Variants in DTD1 observed in about 807,000 individuals in gnomAD.
DTD1 encodes the protein D-tyrosyl-tRNA deacylase 1 homolog.
Under a neutral mutation model 25.6 loss-of-function variants are expected in DTD1, and 13 were observed. That is an observed-to-expected ratio of 0.51 (90% CI 0.33 to 0.81). The LOEUF (loss-of-function observed/expected upper bound fraction) is 0.81, where lower values mean the gene tolerates loss of function less well. DTD1 is among the 30% of genes least tolerant of loss of function. DTD1 has a pLI of 0.02. For missense variants in DTD1, 193 were observed against 266.4 expected (o/e 0.72, Z 1.92); for synonymous variants, 110 against 103.6 (o/e 1.06, Z -0.37).
intron 3 of DTD1, among the ~76,000 whole-genome samples, chr20:18,596,608 T>C (rs935770334): frequency 1.3e-5 from 2 of 152,108 alleles, no homozygotes; most frequent in African/African-American, 2.4e-5. Flanking sequence ...TAGCCATATT[T>C]AAAAAAATAA....
chr20:18,687,030 A>G (rs549179489), intron 4 of DTD1, among the ~76,000 whole-genome samples: 1 of 152,222 alleles, frequency 6.6e-6, no homozygotes, highest in Non-Finnish European at 1.5e-5. Flanking sequence ...TGGGGGTTGT[A>G]TGGAGCTATG....
chr20:18,721,388 T>G (rs1207763172), intron 4 of DTD1, among the ~76,000 whole-genome samples: 2 of 152,208 alleles, frequency 1.3e-5, no homozygotes, highest in African/African-American at 4.8e-5. Flanking sequence ...TAAACTATCT[T>G]TGCCTTTCTT....
chr20:18,746,508 G>C (rs939182329), intron 5 of DTD1, among the ~76,000 whole-genome samples: 3 of 149,628 alleles, frequency 2.0e-5, no homozygotes, highest in African/African-American at 7.3e-5. Flanking sequence ...GACCAGCCTG[G>C]GCAACATGGT....
chr20:18,607,821 C>T (rs541593724), intron 3 of DTD1, among the ~76,000 whole-genome samples: 1 of 151,934 alleles, frequency 6.6e-6, no homozygotes, highest in Non-Finnish European at 1.5e-5. Context: ...TCAAGCGATT[C>T]TCCTGTCTCA....
At chr20:18,680,417 GTTT>G (rs3056280) in intron 4 of DTD1, among the ~76,000 whole-genome samples, 2 of 105,214 alleles carry the variant, frequency 1.9e-5, no homozygotes, top group Non-Finnish European at 2.0e-5. Context: ...TGTTGTCTAC[GTTT>G]TTTTTTTTTT....
intron 4 of DTD1, chr20:18,631,426 C>G (rs73112670): frequency 0.055 from 53,769 of 985,852 alleles, 1,561 homozygotes; most frequent in Non-Finnish European, 0.06. Flanking sequence ...CAGCAGCTTC[C>G]TGGAAGCCTC....
chr20:18,708,602 C>T (rs6136482), intron 4 of DTD1, among the ~76,000 whole-genome samples: 8,711 of 151,214 alleles, frequency 0.058, 356 homozygotes, highest in South Asian at 0.13. Context: ...GTGATCTGCC[C>T]GCCTCGGCCT....
rs75493537 is a variant in DTD1, at chr20:18,608,788, G to A, written c.370+12547G>A. The stretch of plus-strand genomic sequence containing the variant: ...ATTCTTGGGTGTGCCAACCTAGTTC[G>A]ACTAATCAAGACTTAGCTAGAAAAT... On this transcript the variant is annotated intron_variant, in intron 3 of 5. Coordinates refer to ENST00000377452, the MANE Select transcript of DTD1 (RefSeq NM_080820.6). 4.5e-4 allele frequency among the ~76,000 whole-genome samples: 68 copies of A among 152,246 alleles called. 1 individual carries two copies. In the East Asian group the frequency reaches 0.011, roughly 25 times the overall value.
At chr20:18,642,440 A>AT (rs1465065628) in intron 4 of DTD1, among the ~76,000 whole-genome samples, 3 of 151,560 alleles carry the variant, frequency 2.0e-5, no homozygotes, top group African/African-American at 4.9e-5. Context: ...ATTTTATTTT[A>AT]TTTTTTATCA....
At chr20:18,676,193 A>G (rs1486525716) in intron 4 of DTD1, among the ~76,000 whole-genome samples, 1 of 152,102 alleles carries the variant, frequency 6.6e-6, no homozygotes, top group African/African-American at 2.4e-5. Context: ...TGGGGTAGAG[A>G]ATGCAGACAT....
At chr20:18,619,951 T>C (rs2060726556) in intron 3 of DTD1, 1 of 152,124 alleles carries the variant, frequency 6.6e-6, no homozygotes, top group South Asian at 2.1e-4. Context: ...AACTTTTAAA[T>C]TTTATTTATT....
chr20:18,657,225 G>A (rs953841854), intron 4 of DTD1, among the ~76,000 whole-genome samples: 1 of 152,222 alleles, frequency 6.6e-6, no homozygotes, highest in Admixed American at 6.5e-5. Flanking sequence ...TGAGCAGGAT[G>A]CGCTGAGAGT....
At chr20:18,760,963 A>G (rs1442173640) in intron 5 of DTD1, among the ~76,000 whole-genome samples, 1 of 151,996 alleles carries the variant, frequency 6.6e-6, no homozygotes, top group Non-Finnish European at 1.5e-5. Flanking sequence ...CCTTGCTGCC[A>G]CCTTGCAATT....
chr20:18,591,599 A>C (rs564248870), intron 1 of DTD1, among the ~76,000 whole-genome samples: 1 of 152,222 alleles, frequency 6.6e-6, no homozygotes, highest in Non-Finnish European at 1.5e-5. Context: ...AAATCATTAA[A>C]ATATTAAAGT....
intron 4 of DTD1, among the ~76,000 whole-genome samples, chr20:18,638,248 A>G (rs977558634): frequency 1.3e-5 from 2 of 151,746 alleles, no homozygotes; most frequent in South Asian, 4.2e-4. Context: ...CTACCTACTC[A>G]TCCAATACCT....
At chr20:18,628,803 A>G (rs544330958) in intron 4 of DTD1, among the ~76,000 whole-genome samples, 2 of 152,162 alleles carry the variant, frequency 1.3e-5, no homozygotes, top group Admixed American at 1.3e-4. Flanking sequence ...GTAAAGGCTT[A>G]ATTAACACAC....
At chr20:18,618,133 G>A (rs1291053995) in intron 3 of DTD1, among the ~76,000 whole-genome samples, 5 of 152,300 alleles carry the variant, frequency 3.3e-5, no homozygotes, top group East Asian at 1.9e-4. Context: ...CCAGATGGCC[G>A]TTTGTAGGCA....
intron 4 of DTD1, among the ~76,000 whole-genome samples, chr20:18,708,603 G>T (rs187599309): frequency 1.3e-5 from 2 of 151,252 alleles, no homozygotes; most frequent in African/African-American, 4.9e-5. Flanking sequence ...TGATCTGCCC[G>T]CCTCGGCCTC....
intron 3 of DTD1, among the ~76,000 whole-genome samples, chr20:18,624,346 GA>G (rs1370473273): frequency 3.9e-5 from 6 of 152,210 alleles, no homozygotes; most frequent in Admixed American, 3.9e-4. Context: ...CACTGGATTT[GA>G]ATGCAGACCC....
Sources: gnomAD v4.1 joint callset for allele counts (sites outside exome capture counted in the v4.1 genomes callset) on GRCh38, gnomAD v4.1.1 for gene constraint, MANE v1.5 for transcripts, NCBI Gene and HGNC (gene_info 2026-07-23, HGNC 2026-07-21) for gene names.